NRXN1: variants seen among roughly 807,000 people sequenced by gnomAD.
The protein encoded by NRXN1 is neurexin-1.
A neutral mutation model predicts 150.9 loss-of-function variants in NRXN1; 39 were observed. The observed-to-expected ratio is 0.26, with a 90% confidence interval of 0.20 to 0.34. The LOEUF (loss-of-function observed/expected upper bound fraction) is 0.34, where lower values mean the gene tolerates loss of function less well. Ranked by LOEUF, NRXN1 falls within the 10% of genes least tolerant of loss-of-function variation. The pLI is 1.00. For missense variants in NRXN1, 1,815 were observed against 1,949.9 expected (o/e 0.93, Z 1.30); for synonymous variants, 924 against 757.0 (o/e 1.22, Z -3.62).
chr2:50,680,768 A>C (rs1170049728), intron 5 of NRXN1, among the ~76,000 whole-genome samples: 1 of 152,126 alleles, frequency 6.6e-6, no homozygotes, highest in Non-Finnish European at 1.5e-5. Flanking sequence ...AGTGAAAAAA[A>C]AAAAAGCTAA....
intron 17 of NRXN1, among the ~76,000 whole-genome samples, chr2:50,308,636 G>C (rs2074876753): frequency 6.6e-6 from 1 of 152,122 alleles, no homozygotes; most frequent in African/African-American, 2.4e-5. Context: ...GTACAGGCTT[G>C]AGCTACTACT....
chr2:50,339,948 A>G (rs1056765191), intron 17 of NRXN1, among the ~76,000 whole-genome samples: 3 of 152,192 alleles, frequency 2.0e-5, no homozygotes, highest in African/African-American at 7.2e-5. Flanking sequence ...GAAAGTACCA[A>G]TGCTGGGACA....
intron 18 of NRXN1, among the ~76,000 whole-genome samples, chr2:50,220,355 C>T (rs986177650): frequency 1.3e-5 from 2 of 151,778 alleles, no homozygotes; most frequent in African/African-American, 2.4e-5. Flanking sequence ...AAGACTATGC[C>T]GTGAGTCTTA....
At chr2:50,895,693 G>T (rs1469080231) in intron 5 of NRXN1, among the ~76,000 whole-genome samples, 4 of 151,420 alleles carry the variant, frequency 2.6e-5, no homozygotes, top group Non-Finnish European at 5.9e-5. Flanking sequence ...TAATGGTCCT[G>T]CCTCAGCCTC....
intron 21 of NRXN1, among the ~76,000 whole-genome samples, chr2:50,001,842 T>C (rs914677662): frequency 6.6e-6 from 1 of 152,040 alleles, no homozygotes; most frequent in African/African-American, 2.4e-5. Context: ...ACATGACCTG[T>C]GACAGGCTTC....
At chr2:50,970,989 T>A (rs1292312998) in intron 2 of NRXN1, among the ~76,000 whole-genome samples, 1 of 152,146 alleles carries the variant, frequency 6.6e-6, no homozygotes, top group Non-Finnish European at 1.5e-5. Context: ...TTTTAGGACT[T>A]TTTTCTTTAT....
At chr2:50,452,825 G>A (rs999334184) in intron 17 of NRXN1, among the ~76,000 whole-genome samples, 25 of 152,056 alleles carry the variant, frequency 1.6e-4, no homozygotes, top group African/African-American at 5.6e-4. Context: ...AAATTATCAG[G>A]CTATTATTTC....
intron 17 of NRXN1, among the ~76,000 whole-genome samples, chr2:50,434,912 C>A (rs1205878723): frequency 6.6e-6 from 1 of 151,990 alleles, no homozygotes; most frequent in Non-Finnish European, 1.5e-5. Flanking sequence ...ATATCTGTGT[C>A]AGGATACAGT....
At chr2:50,320,283 C>CTTATACATACATAT (rs1178411507) in intron 17 of NRXN1, among the ~76,000 whole-genome samples, 1 of 43,056 alleles carries the variant, frequency 2.3e-5, no homozygotes, top group African/African-American at 5.8e-5. Context: ...ATACCTCAAT[C>CTTATACATACATAT]ATATATATAT....
rs1014913318 is a variant in NRXN1 at position 50,290,743 on chromosome 2, A to G, written c.3365-53773T>C. Among the ~76,000 whole-genome samples the G allele has an allele frequency of 2.0e-5, 3 of 152,190 alleles. No homozygotes were observed. The East Asian group carries it at 5.8e-4, about 29-fold the overall frequency. On this transcript the variant is annotated intron_variant, in intron 17 of 22. Transcript: ENST00000401669. ...GAATGCTGGTTTAGGCCAACATAGA[A>G]ATGGAATTTGGTTTTAAAGAAATAA... is the stretch of plus-strand genomic sequence containing the variant.
At position 50,091,055 on chromosome 2, in the gene NRXN1, CT is replaced by C. The variant is rs1160506730; in HGVS notation, c.3718+267del. ...GTAAAAAGAGCTTTGATATGTTGTG[CT>C]TTTTATGTGTGCATTTTTCTGATTT... On this transcript the variant is annotated intron_variant, in intron 19 of 22. Transcript: ENST00000401669. 3.3e-5 allele frequency among the ~76,000 whole-genome samples: 5 copies of C among 152,216 alleles called. No individual in the cohort carries two copies. The South Asian group carries it at 1.0e-3, about 32-fold the overall frequency.
At chr2:50,488,572 G>A (rs567442039) in intron 15 of NRXN1, among the ~76,000 whole-genome samples, 14 of 152,258 alleles carry the variant, frequency 9.2e-5, no homozygotes, top group South Asian at 6.2e-4. Context: ...TCCTGAGTAC[G>A]CCTTTTATGG....
chr2:51,009,924 C>T (rs561576884), intron 2 of NRXN1, among the ~76,000 whole-genome samples: 1 of 151,498 alleles, frequency 6.6e-6, no homozygotes. Flanking sequence ...CACACGAGAC[C>T]AAGTTAAAAA....
At chr2:50,506,896 T>A in intron 12 of NRXN1, 1 of 343,188 alleles carries the variant, frequency 2.9e-6, no homozygotes, top group Non-Finnish European at 5.4e-6. Context: ...TACGCATTGA[T>A]CCATAACAAG....
intron 18 of NRXN1, among the ~76,000 whole-genome samples, chr2:50,204,085 T>C (rs689174): frequency 0.37 from 56,063 of 151,926 alleles, 10,924 homozygotes; most frequent in Non-Finnish European, 0.43. Context: ...AAACCCACCA[T>C]GGAATAGTAA....
chr2:50,508,244 T>C (rs542523902), intron 12 of NRXN1, among the ~76,000 whole-genome samples: 1 of 152,298 alleles, frequency 6.6e-6, no homozygotes, highest in Non-Finnish European at 1.5e-5. Flanking sequence ...GTTATTTATA[T>C]CTGTTTGTAT....
intron 17 of NRXN1, among the ~76,000 whole-genome samples, chr2:50,274,283 A>C (rs2070120692): frequency 6.6e-6 from 1 of 152,178 alleles, no homozygotes; most frequent in Admixed American, 6.5e-5. Flanking sequence ...ATTCTCAGCT[A>C]ACTAACACAG....
intron 15 of NRXN1, among the ~76,000 whole-genome samples, chr2:50,489,474 T>C (rs778512651): frequency 2.0e-5 from 3 of 150,932 alleles, no homozygotes; most frequent in African/African-American, 2.5e-5. Flanking sequence ...GAGATTGATA[T>C]GAGCAACGCA....
chr2:49,999,601 A>G (rs1683570854), intron 21 of NRXN1, among the ~76,000 whole-genome samples: 1 of 152,176 alleles, frequency 6.6e-6, no homozygotes, highest in Non-Finnish European at 1.5e-5. Flanking sequence ...TCAGGAAATG[A>G]GACAATAGTA....
Sources: allele counts gnomAD v4.1 joint callset (sites outside exome capture counted in the v4.1 genomes callset), GRCh38; gene constraint gnomAD v4.1.1; transcripts MANE v1.5; gene names NCBI Gene and HGNC (gene_info 2026-07-23, HGNC 2026-07-21).